The following PTGES2 variants were observed in gnomAD, a reference collection of about 807,000 sequenced individuals.
PTGES2 encodes prostaglandin E synthase 2, also known as GATE-binding factor 1.
In PTGES2, 35 loss-of-function variants were observed where a neutral mutation model predicts 44.5. The ratio of observed to expected loss-of-function variants is 0.79; its 90% CI spans 0.60 to 1.04. The LOEUF is 1.04. PTGES2 is among the 50% of genes least tolerant of loss of function. The pLI is 0.00. For missense variants in PTGES2, 517 were observed against 521.4 expected (o/e 0.99, Z 0.08); for synonymous variants, 221 against 227.5 (o/e 0.97, Z 0.26).
Position 128,127,725 on chromosome 9 carries a change from C to A in PTGES2, c.-8G>T. The A allele has an allele frequency of 8.0e-7, 1 of 1,256,086 alleles. No homozygotes were observed. The highest frequency in any genetic ancestry group is 1.0e-6 in the Non-Finnish European group (1 of 1,001,196). 77.8% of individuals were successfully genotyped at this position (1,256,086 alleles called of 1,614,324 possible). A position where few individuals can be genotyped will look rare whatever the true frequency, so the allele number is the denominator to read the frequency against. On this transcript the variant is annotated 5_prime_UTR_variant, in exon 1 of 7. Coordinates refer to ENST00000338961, the MANE Select transcript of PTGES2 (RefSeq NM_025072.7). ...CCGCGCAGCCGGGTCCATGTTCGCTCCGCCGGCGCCGCGGGCGGGCGCGCG... is the reference window on the plus strand; with the variant it reads ...CCGCGCAGCCGGGTCCATGTTCGCTACGCCGGCGCCGCGGGCGGGCGCGCG...
upstream of PTGES2, chr9:128,127,809 G>A (rs896397137): frequency 2.3e-5 from 26 of 1,151,632 alleles, no homozygotes; most frequent in South Asian, 3.9e-5. Flanking sequence ...GCGCCCCGCG[G>A]GTTGGCCGGG....
At chr9:128,128,177 G>GCGGTTCTCTCTGCCCTCC, upstream of PTGES2, 2 of 182,138 alleles carry the variant, frequency 1.1e-5, no homozygotes, top group South Asian at 3.0e-5. Context: ...ACCAGGTGTT[G>GCGGTTCTCTCTGCCCTCC]CGGTTCTCTC....
At chr9:128,121,872 C>T (rs973374899) in intron 6 of PTGES2, among the ~76,000 whole-genome samples, 9 of 151,906 alleles carry the variant, frequency 5.9e-5, no homozygotes, top group Admixed American at 5.9e-4. Flanking sequence ...AAGACTGCAC[C>T]GCTGCACTCC....
upstream of PTGES2, chr9:128,127,841 C>T (rs892951974): frequency 5.1e-6 from 5 of 976,290 alleles, no homozygotes; most frequent in Non-Finnish European, 5.3e-6. Context: ...GCTAAGGGAA[C>T]CCTCAGCGCT....
At position 128,121,111 on chromosome 9, in the gene PTGES2, T is replaced by C; in HGVS notation, c.*34A>G. 1 of 1,561,086 alleles carries C rather than the reference T, an allele frequency of 6.4e-7. No homozygotes were observed. Among genetic ancestry groups the C allele is most frequent in the African/African-American group, 1.4e-5 (1 of 73,700 alleles). On this transcript the variant is annotated 3_prime_UTR_variant, in exon 7 of 7. Transcript: ENST00000338961. ...CCCCAGGCCCTGGCAGCTGGCGTCT[T>C]CCGCTGCCTTCCCTCTGCTCTGCGC... is the stretch of plus-strand genomic sequence containing the variant.
At chr9:128,125,217 G>T in intron 2 of PTGES2, 27 bp downstream of exon 2, 1 of 1,549,358 alleles carries the variant, frequency 6.5e-7, no homozygotes, top group Non-Finnish European at 8.7e-7. Flanking sequence ...AAAGGAGGAA[G>T]GATGCAGGGG....
upstream of PTGES2, chr9:128,128,170 A>C (rs879045586): frequency 0.013 from 4,686 of 363,008 alleles, 106 homozygotes; most frequent in East Asian, 0.059. Flanking sequence ...ACCCGGCACC[A>C]GGTGTTGCGG....
intron 2 of PTGES2, chr9:128,124,971 T>A: frequency 1.2e-6 from 1 of 832,892 alleles, no homozygotes. Flanking sequence ...AGTGGGTGAA[T>A]CACACCTCAA....
At chr9:128,125,919 T>A (rs558655391) in intron 1 of PTGES2, among the ~76,000 whole-genome samples, 2 of 152,320 alleles carry the variant, frequency 1.3e-5, no homozygotes, top group East Asian at 3.9e-4. Flanking sequence ...CTTGTTTTTT[T>A]CTCTGGAGAC....
chr9:128,121,374 C>T lies in PTGES2; in HGVS notation c.1006-101G>A, dbSNP rs565776390. ...TGTGGCCAGGTCCCGTCCCCTCCCC[C>T]CTTGGAGCTCGTGACCCACTCAAGG... On this transcript the variant is annotated intron_variant, in intron 6 of 6. Coordinates refer to ENST00000338961, the MANE Select transcript of PTGES2 (RefSeq NM_025072.7). 18 of 1,441,104 alleles carry T rather than the reference C, an allele frequency of 1.2e-5. No individual in the cohort carries two copies. In the South Asian group the frequency reaches 2.2e-4, roughly 18 times the overall value. The allele number at this position is 1,441,104 out of a possible 1,614,324, so 89.3% of individuals were successfully genotyped here.
chr9:128,122,763 C>T, intron 5 of PTGES2, 171 bp downstream of exon 5: 1 of 712,732 alleles, frequency 1.4e-6, no homozygotes, highest in South Asian at 1.8e-5. Flanking sequence ...TGAGCAGGAG[C>T]TCTGGGTCCA....
At chr9:128,126,269 G>A (rs559458502) in intron 1 of PTGES2, among the ~76,000 whole-genome samples, 9 of 152,300 alleles carry the variant, frequency 5.9e-5, no homozygotes, top group Middle Eastern at 3.4e-3. Flanking sequence ...ATCTGTGGGC[G>A]GGTGGTGGGA....
At chr9:128,128,106 G>C (rs80159071), upstream of PTGES2, 3,984 of 360,988 alleles carry the variant, frequency 0.011, 139 homozygotes, top group African/African-American at 0.078. Flanking sequence ...GCCCTTCCTA[G>C]AGTCAGTACA....
At chr9:128,128,194 C>G (rs1372444960), upstream of PTGES2, 18 of 381,176 alleles carry the variant, frequency 4.7e-5, no homozygotes, top group East Asian at 1.3e-3. Context: ...TCTCTGCCCT[C>G]CCGCCTCATT....
chr9:128,126,365 G>GA (rs1834616465), intron 1 of PTGES2, among the ~76,000 whole-genome samples: 1 of 151,712 alleles, frequency 6.6e-6, no homozygotes, highest in South Asian at 2.1e-4. Context: ...GTCACCACTT[G>GA]GGGGGGGCAC....
rs1834562908 is a variant in PTGES2 at position 128,124,966 on chromosome 9, G to A, written c.477+278C>T. On this transcript the variant is annotated intron_variant, in intron 2 of 6. Coordinates refer to ENST00000338961, the MANE Select transcript of PTGES2 (RefSeq NM_025072.7). ...CCCAAGTCACACAGCTAGTGAGTGG[G>A]TGAATCACACCTCAAACCCAGATCG... 1.9e-5 allele frequency: 17 copies of A among 889,662 alleles called. No homozygotes were observed. The South Asian group carries it at 3.4e-4, about 18-fold the overall frequency. 55.1% of individuals were successfully genotyped at this position (889,662 alleles called of 1,614,324 possible). A position where few individuals can be genotyped will look rare whatever the true frequency, so the allele number is the denominator to read the frequency against.
rs956283767 is a variant in PTGES2 at position 128,123,917 on chromosome 9, C to T, written c.537-66G>A. 2.0e-5 allele frequency: 32 copies of T among 1,566,668 alleles called. No homozygotes were observed. Among genetic ancestry groups the T allele is most frequent in the Middle Eastern group, 1.7e-4 (1 of 5,852 alleles). On this transcript the variant is annotated intron_variant, in intron 3 of 6. Coordinates refer to ENST00000338961, the MANE Select transcript of PTGES2 (RefSeq NM_025072.7). The surrounding 1 kb of genome is among the most constrained non-coding windows in gnomAD (Gnocchi z 4.4). ...TCCGTCCCCTGTGGCCGACCAACCC[C>T]GCTGCCCCAGCCTCAGAGTGGAGCC...
upstream of PTGES2, chr9:128,127,740 G>A (rs1834689261): frequency 8.0e-7 from 1 of 1,252,082 alleles, no homozygotes; most frequent in South Asian, 3.0e-5. Context: ...GGCGCCGCGG[G>A]CGGGCGCGCG....
At chr9:128,127,900 A>G, upstream of PTGES2, 1 of 520,096 alleles carries the variant, frequency 1.9e-6, no homozygotes, top group Non-Finnish European at 2.9e-6. Context: ...CGCCCGCCAG[A>G]GCCGCAGAGG....
Sources: gnomAD v4.1 joint callset for allele counts (sites outside exome capture counted in the v4.1 genomes callset) on GRCh38, gnomAD v4.1.1 for gene constraint, Gnocchi (gnomAD v3.1) non-coding constraint, MANE v1.5 for transcripts, NCBI Gene and HGNC (gene_info 2026-07-23, HGNC 2026-07-21) for gene names.